The following CLEC16A variants were observed in gnomAD, a reference collection of about 807,000 sequenced individuals.
The protein encoded by CLEC16A is protein CLEC16A.
A neutral mutation model predicts 109.5 loss-of-function variants in CLEC16A; 51 were observed. The ratio of observed to expected loss-of-function variants is 0.47; its 90% CI spans 0.37 to 0.59. The LOEUF (loss-of-function observed/expected upper bound fraction) is 0.59, where lower values mean the gene tolerates loss of function less well. CLEC16A is among the 20% of genes least tolerant of loss of function. The pLI, the probability that CLEC16A is intolerant of heterozygous loss-of-function variation, is 0.00. For missense variants in CLEC16A, 1,339 were observed against 1,394.0 expected, an observed-to-expected ratio of 0.96 and a Z score of 0.63; for synonymous variants, 673 against 564.2, an observed-to-expected ratio of 1.19 and a Z score of -2.73.
chr16:11,162,402 G>C (rs556221841), intron 22 of CLEC16A, among the ~76,000 whole-genome samples: 13 of 152,350 alleles, frequency 8.5e-5, no homozygotes, highest in African/African-American at 2.9e-4. Context: ...TTCCCAGGCA[G>C]TTTGTGTTCC....
chr16:11,056,705 T>C (rs1254191916), intron 18 of CLEC16A: 1 of 152,348 alleles, frequency 6.6e-6, no homozygotes, highest in Admixed American at 6.5e-5. Context: ...ATGTGTATTA[T>C]ACATTAAAGA....
At chr16:11,134,182 ATTTTTTTT>A (rs34036131) in intron 22 of CLEC16A, among the ~76,000 whole-genome samples, 4 of 124,062 alleles carry the variant, frequency 3.2e-5, no homozygotes, top group African/African-American at 6.0e-5. Context: ...CCCTTTTCTG[ATTTTTTTT>A]TTTTTTTTTT....
intron 19 of CLEC16A, among the ~76,000 whole-genome samples, chr16:11,081,321 C>T (rs2049703113): frequency 6.6e-6 from 1 of 152,224 alleles, no homozygotes; most frequent in African/African-American, 2.4e-5. Context: ...CCCCTCTCCA[C>T]TCTACTCCCA....
At chr16:10,970,580 CA>C (rs1443583473) in intron 4 of CLEC16A, among the ~76,000 whole-genome samples, 2 of 152,124 alleles carry the variant, frequency 1.3e-5, no homozygotes, top group Non-Finnish European at 2.9e-5. Flanking sequence ...TTATAATTTT[CA>C]AAGTAGAGAT....
chr16:10,998,977 G>C (rs1428143411), intron 10 of CLEC16A, among the ~76,000 whole-genome samples: 1 of 152,044 alleles, frequency 6.6e-6, no homozygotes, highest in African/African-American at 2.4e-5. Context: ...GTGATGTTTT[G>C]GTGTTAGCTT....
At chr16:11,031,990 C>G (rs2046767323) in intron 13 of CLEC16A, among the ~76,000 whole-genome samples, 1 of 152,212 alleles carries the variant, frequency 6.6e-6, no homozygotes, top group Non-Finnish European at 1.5e-5. Flanking sequence ...CCAGGCAGAC[C>G]AACCCAGGCC....
At chr16:11,158,144 G>A (rs2054599758) in intron 22 of CLEC16A, among the ~76,000 whole-genome samples, 1 of 152,168 alleles carries the variant, frequency 6.6e-6, no homozygotes, top group Non-Finnish European at 1.5e-5. Context: ...ATGCACACTT[G>A]CTGTCTTCAG....
chr16:11,078,581 A>C (rs2049521199), intron 19 of CLEC16A, among the ~76,000 whole-genome samples: 1 of 152,128 alleles, frequency 6.6e-6, no homozygotes, highest in Non-Finnish European at 1.5e-5. Flanking sequence ...AGTCACCCTC[A>C]CAGATCCCTC....
intron 22 of CLEC16A, 55 bp from the exon 23 acceptor site, chr16:11,166,333 G>A (rs1428549587): frequency 1.3e-6 from 2 of 1,519,454 alleles, no homozygotes; most frequent in African/African-American, 2.7e-5. Flanking sequence ...ATGACATTGA[G>A]GCCCTCAGGC....
At chr16:11,139,707 C>A (rs905937190) in intron 22 of CLEC16A, among the ~76,000 whole-genome samples, 2 of 152,106 alleles carry the variant, frequency 1.3e-5, no homozygotes, top group African/African-American at 4.8e-5. Flanking sequence ...AAATTCACAG[C>A]GTGATTTGGG....
chr16:10,998,226 G>A (rs985671676), intron 10 of CLEC16A, among the ~76,000 whole-genome samples: 1 of 152,344 alleles, frequency 6.6e-6, no homozygotes. Flanking sequence ...AGGTGCAGAC[G>A]CTTAGGGAGT....
At chr16:11,003,045 C>A in intron 10 of CLEC16A, 29 bp from the exon 11 acceptor site, 1 of 1,563,564 alleles carries the variant, frequency 6.4e-7, no homozygotes, top group Non-Finnish European at 8.7e-7. Context: ...TGTTCAAATT[C>A]ACCTGTTGCC....
chr16:11,166,372 G>A lies in CLEC16A; in HGVS notation c.2642-16G>A. ...CTCTTTGCTTCCACTTGGTCACCTG[G>A]TACTTTGTCTTGCAGGCTTCGCCGT... On this transcript the variant is annotated splice_polypyrimidine_tract_variant and intron_variant, in intron 22 of 23. Coordinates refer to ENST00000409790, the MANE Select transcript of CLEC16A (RefSeq NM_015226.3). 1 of 1,587,282 alleles carries A rather than the reference G, an allele frequency of 6.3e-7. No homozygotes were observed. Among genetic ancestry groups the A allele is most frequent in the East Asian group, 2.3e-5 (1 of 44,118 alleles).
chr16:11,101,859 G>A lies in CLEC16A; in HGVS notation c.2117-18756G>A, dbSNP rs550333732. Among the ~76,000 whole-genome samples, 240 of 151,358 alleles carry A rather than the reference G, an allele frequency of 1.6e-3. 1 individual carries two copies. The highest frequency in any genetic ancestry group is 5.6e-3 in the African/African-American group (231 of 41,186). ...CTTCTGTTGCCCAAGTTGGAGTGCA[G>A]TGATGCAATTATGGTCACTGTAGCT... is the stretch of plus-strand genomic sequence containing the variant. On this transcript the variant is annotated intron_variant, in intron 19 of 23. Transcript: ENST00000409790.
chr16:11,151,661 A>G (rs1245471058), intron 22 of CLEC16A, among the ~76,000 whole-genome samples: 4 of 152,206 alleles, frequency 2.6e-5, no homozygotes, highest in Admixed American at 2.6e-4. Flanking sequence ...TCAGGCATTA[A>G]ATCAATCAGT....
At chr16:11,065,588 C>T (rs556084675) in intron 19 of CLEC16A, among the ~76,000 whole-genome samples, 49 of 152,292 alleles carry the variant, frequency 3.2e-4, no homozygotes, top group African/African-American at 1.1e-3. Context: ...CAACCACTAA[C>T]AGGTAGGTTA....
At chr16:10,982,755 C>G in intron 9 of CLEC16A, 123 bp from the exon 10 acceptor site, 1 of 605,764 alleles carries the variant, frequency 1.7e-6, no homozygotes, top group Non-Finnish European at 3.0e-6. Flanking sequence ...AATTTTGCAT[C>G]GTAGGAATTG....
intron 8 of CLEC16A, 123 bp from the exon 9 acceptor site, chr16:10,979,206 C>G: frequency 1.3e-6 from 1 of 773,620 alleles, no homozygotes; most frequent in South Asian, 1.7e-5. Flanking sequence ...GCCCTAGGGC[C>G]GTGGAGGAAG....
intron 7 of CLEC16A, among the ~76,000 whole-genome samples, chr16:10,973,858 A>ATACATCCG (rs1201926435): frequency 7.2e-6 from 1 of 139,810 alleles, no homozygotes; most frequent in Non-Finnish European, 1.5e-5. Flanking sequence ...GGTATGAGCC[A>ATACATCCG]TACATCCGGC....
Sources: gnomAD v4.1 joint callset for allele counts (sites outside exome capture counted in the v4.1 genomes callset) on GRCh38, gnomAD v4.1.1 for gene constraint, MANE v1.5 for transcripts, NCBI Gene and HGNC (gene_info 2026-07-23, HGNC 2026-07-21) for gene names.